The following ARHGEF10 variants were observed in gnomAD, a reference collection of about 807,000 sequenced individuals.
The protein encoded by ARHGEF10 is Rho guanine nucleotide exchange factor (GEF) 10.
ARHGEF10 carries 140 observed loss-of-function variants against 147.4 expected under a neutral mutation model. The observed-to-expected ratio is 0.95, with a 90% CI of 0.83 to 1.09. The LOEUF (loss-of-function observed/expected upper bound fraction) is 1.09. Ranked by LOEUF, ARHGEF10 falls within the 50% of genes least tolerant of loss-of-function variation. The pLI, the probability that ARHGEF10 is intolerant of heterozygous loss-of-function variation, is 0.00. For missense variants in ARHGEF10, 2,222 were observed against 1,752.7 expected, an observed-to-expected ratio of 1.27 and a Z score of -4.78; for synonymous variants, 902 against 695.8, an observed-to-expected ratio of 1.30 and a Z score of -4.67.
intron 4 of ARHGEF10, among the ~76,000 whole-genome samples, chr8:1,863,525 C>G (rs964093688): frequency 5.3e-5 from 8 of 152,238 alleles, no homozygotes; most frequent in African/African-American, 1.7e-4. Context: ...CTGAGTGCTG[C>G]TGGCTCTCCT....
intron 27 of ARHGEF10, among the ~76,000 whole-genome samples, chr8:1,946,311 G>T (rs1814585805): frequency 6.6e-6 from 1 of 152,188 alleles, no homozygotes; most frequent in African/African-American, 2.4e-5. Context: ...CAGTTTTAAG[G>T]GGAAGGCATG....
chr8:1,915,050 C>G (rs1036503363), intron 18 of ARHGEF10, among the ~76,000 whole-genome samples: 1 of 152,190 alleles, frequency 6.6e-6, no homozygotes, highest in Non-Finnish European at 1.5e-5. Flanking sequence ...TGCTGACCTC[C>G]TGCCACCACT....
intron 18 of ARHGEF10, among the ~76,000 whole-genome samples, chr8:1,912,036 T>C (rs1465444260): frequency 6.6e-6 from 1 of 152,232 alleles, no homozygotes; most frequent in Admixed American, 6.5e-5. Flanking sequence ...GTTGGAAATG[T>C]TGGTGTGTTA....
intron 14 of ARHGEF10, among the ~76,000 whole-genome samples, chr8:1,897,086 GCGGAACTGAGTCT>G (rs1810038341): frequency 6.6e-6 from 1 of 152,246 alleles, no homozygotes; most frequent in Non-Finnish European, 1.5e-5. Context: ...AAAGACGTCG[GCGGAACTGAGTCT>G]CCTTTGTGGA....
At chr8:1,880,696 T>C (rs1808114047) in intron 9 of ARHGEF10, among the ~76,000 whole-genome samples, 1 of 152,220 alleles carries the variant, frequency 6.6e-6, no homozygotes, top group South Asian at 2.1e-4. Context: ...GCTTGAGAAC[T>C]GCCGGACCTG....
At chr8:1,901,625 G>A (rs1331313209) in intron 15 of ARHGEF10, among the ~76,000 whole-genome samples, 1 of 152,244 alleles carries the variant, frequency 6.6e-6, no homozygotes, top group East Asian at 1.9e-4. Context: ...TTGGGTGGCT[G>A]CCAGCCCGGC....
chr8:1,845,206 G>C (rs1361496163), intron 2 of ARHGEF10, among the ~76,000 whole-genome samples: 1 of 152,226 alleles, frequency 6.6e-6, no homozygotes, highest in East Asian at 1.9e-4. Flanking sequence ...TATCAAATGA[G>C]ATGATGCCCC....
At chr8:1,939,112 C>G (rs777828953) in intron 26 of ARHGEF10, among the ~76,000 whole-genome samples, 1 of 152,200 alleles carries the variant, frequency 6.6e-6, no homozygotes, top group Admixed American at 6.5e-5. Context: ...GAATCCCAGT[C>G]CCCGGAGACT....
At chr8:1,913,251 G>T (rs1177133024) in intron 18 of ARHGEF10, among the ~76,000 whole-genome samples, 1 of 152,048 alleles carries the variant, frequency 6.6e-6, no homozygotes, top group Non-Finnish European at 1.5e-5. Flanking sequence ...TCAGAAGAAT[G>T]GCCACTGGAG....
intron 7 of ARHGEF10, chr8:1,870,010 C>G (rs1022252492): frequency 6.5e-6 from 1 of 153,622 alleles, no homozygotes; most frequent in African/African-American, 2.4e-5. Flanking sequence ...CACTGAACCA[C>G]GGAGGAGGTG....
At position 1,862,955 on chromosome 8, in the gene ARHGEF10, T is replaced by A. The variant is rs1585307064; in HGVS notation, c.482-1418T>A. Among the ~76,000 whole-genome samples, 4 of 142,708 alleles carry A rather than the reference T, an allele frequency of 2.8e-5. No homozygotes were observed. The South Asian group carries it at 8.8e-4, about 31-fold the overall frequency. 93.6% of individuals were successfully genotyped at this position (142,708 alleles called of 152,430 possible). A position where few individuals can be genotyped will look rare whatever the true frequency, so the allele number is the denominator to read the frequency against. On this transcript the variant is annotated intron_variant, in intron 4 of 28. Transcript: ENST00000349830. The stretch of plus-strand genomic sequence containing the variant: ...CACCACGCCCGGCTAATTTTTTGTA[T>A]TTTTTTTTTAGTAGAGACAGGGTTT...
Position 1,908,349 on chromosome 8 carries a change from G to C in ARHGEF10, c.1968-946G>C, listed in dbSNP as rs536701121. 3.3e-5 allele frequency among the ~76,000 whole-genome samples: 5 copies of C among 149,508 alleles called. No individual in the cohort carries two copies. The East Asian group carries it at 7.9e-4, about 24-fold the overall frequency. On this transcript the variant is annotated intron_variant, in intron 17 of 28. Coordinates refer to ENST00000349830, the MANE Select transcript of ARHGEF10 (RefSeq NM_014629.4). Reference sequence around the variant, plus strand: ...GGGTTCACGCCATTCTCCTGCCTCAGCCTCCCTAGTAGCTGGGACTACAGG... The same window carrying C: ...GGGTTCACGCCATTCTCCTGCCTCACCCTCCCTAGTAGCTGGGACTACAGG...
chr8:1,824,403 G>C (rs1002473461), intron 1 of ARHGEF10, among the ~76,000 whole-genome samples: 2 of 152,030 alleles, frequency 1.3e-5, no homozygotes, highest in African/African-American at 2.4e-5. Flanking sequence ...AACTCCGATC[G>C]GCGGAAGGAG....
intron 13 of ARHGEF10, 122 bp from the exon 14 acceptor site, chr8:1,896,211 T>C: frequency 1.2e-6 from 1 of 843,726 alleles, no homozygotes; most frequent in Non-Finnish European, 2.1e-6. Flanking sequence ...AAGTTTATCT[T>C]ATGAAAACAT....
chr8:1,949,017 C>CGT (rs565106499), intron 27 of ARHGEF10, among the ~76,000 whole-genome samples: 1,519 of 102,930 alleles, frequency 0.015, 31 homozygotes, highest in African/African-American at 0.052. Flanking sequence ...AATGGGTTTT[C>CGT]ATGTGTGTGT....
intron 23 of ARHGEF10, among the ~76,000 whole-genome samples, chr8:1,927,690 G>C (rs1812791337): frequency 6.6e-6 from 1 of 152,136 alleles, no homozygotes; most frequent in Non-Finnish European, 1.5e-5. Flanking sequence ...CGAGGCGGGT[G>C]GATCACAAGG....
In ARHGEF10 at chr8:1,957,116, C is replaced by G. The variant is rs781141537; in HGVS notation, c.3888C>G (p.Arg1296=). ...CTGTCTCGCTGAGAAGCAAAGCACG[C>G]CGGGCCAAGAAAGCCAAGGCCAGCT... ...KDPVSLRSKA[R]RAKKAKASSA... The change falls in exon 29 of 29, where the codon CGC becomes CGG. Residue 1296 remains arginine, a synonymous_variant. Coordinates refer to ENST00000349830, the MANE Select transcript of ARHGEF10 (RefSeq NM_014629.4). 2 of 1,612,990 alleles carry G rather than the reference C, an allele frequency of 1.2e-6. No individual in the cohort carries two copies.
chr8:1,851,921 A>G (rs1196461625), intron 2 of ARHGEF10, among the ~76,000 whole-genome samples: 2 of 151,944 alleles, frequency 1.3e-5, no homozygotes, highest in Non-Finnish European at 2.9e-5. Context: ...CTCAAAAAAA[A>G]AAAAAATTAA....
chr8:1,924,339 T>G (rs1314088109), intron 21 of ARHGEF10, among the ~76,000 whole-genome samples: 1 of 152,194 alleles, frequency 6.6e-6, no homozygotes, highest in African/African-American at 2.4e-5. Flanking sequence ...GTGGTTTTAC[T>G]GTAGATGGAT....
Sources: gnomAD v4.1 joint callset for allele counts (sites outside exome capture counted in the v4.1 genomes callset) on GRCh38, gnomAD v4.1.1 for gene constraint, MANE v1.5 for transcripts, NCBI Gene and HGNC (gene_info 2026-07-23, HGNC 2026-07-21) for gene names.